DSCAM: variants seen among roughly 807,000 people sequenced by gnomAD.
DSCAM encodes the protein cell adhesion molecule DSCAM.
A neutral mutation model predicts 217.7 loss-of-function variants in DSCAM; 47 were observed. That is an observed-to-expected ratio of 0.22 (90% CI 0.17 to 0.28). The LOEUF (loss-of-function observed/expected upper bound fraction) is 0.28, where lower values mean the gene tolerates loss of function less well. DSCAM is among the 10% of genes least tolerant of loss of function. The pLI is 1.00. For missense variants in DSCAM, 2,080 were observed against 2,618.3 expected (o/e 0.79, Z 4.49); for synonymous variants, 1,056 against 1,015.3 (o/e 1.04, Z -0.76).
chr21:40,646,120 A>C (rs9984489), intron 3 of DSCAM, among the ~76,000 whole-genome samples: 66,794 of 152,038 alleles, frequency 0.44, 14,852 homozygotes, highest in East Asian at 0.61. Flanking sequence ...AGGCCTAGAA[A>C]TTAATCCTGA....
At chr21:40,207,273 T>C (rs1471241915) in intron 11 of DSCAM, among the ~76,000 whole-genome samples, 1 of 152,204 alleles carries the variant, frequency 6.6e-6, no homozygotes, top group Non-Finnish European at 1.5e-5. Context: ...TCAAATTCTT[T>C]CTATAATTTC....
chr21:40,771,020 G>A (rs374924190), intron 1 of DSCAM, among the ~76,000 whole-genome samples: 60 of 152,232 alleles, frequency 3.9e-4, no homozygotes, highest in East Asian at 1.9e-3. Flanking sequence ...TGGTAAACAC[G>A]AGGCAGCCTG....
chr21:40,527,841 T>C (rs1469139187), intron 3 of DSCAM, among the ~76,000 whole-genome samples: 3 of 152,078 alleles, frequency 2.0e-5, no homozygotes, highest in African/African-American at 7.2e-5. Flanking sequence ...GTGGGTGAAA[T>C]CCTGAGACAG....
chr21:40,788,633 A>G (rs554520716), intron 1 of DSCAM, among the ~76,000 whole-genome samples: 4 of 152,292 alleles, frequency 2.6e-5, no homozygotes, highest in Middle Eastern at 3.4e-3. Flanking sequence ...ACTTTTGACC[A>G]CTTTCTCCAA....
At chr21:40,270,269 A>T (rs1407960246) in intron 11 of DSCAM, among the ~76,000 whole-genome samples, 1 of 152,214 alleles carries the variant, frequency 6.6e-6, no homozygotes, top group Non-Finnish European at 1.5e-5. Flanking sequence ...TGGGGACCAG[A>T]AGTGCAAAAT....
intron 28 of DSCAM, among the ~76,000 whole-genome samples, chr21:40,058,322 T>C (rs2089061337): frequency 6.6e-6 from 1 of 152,188 alleles, no homozygotes; most frequent in Admixed American, 6.5e-5. Context: ...AGGCTGGCCC[T>C]GCGATGGGGA....
chr21:40,678,190 GATTATA>G (rs1354962566), intron 3 of DSCAM, among the ~76,000 whole-genome samples: 5 of 152,106 alleles, frequency 3.3e-5, no homozygotes, highest in Non-Finnish European at 5.9e-5. Flanking sequence ...TAAGCCTACT[GATTATA>G]ATTAGGTTAT....
intron 1 of DSCAM, among the ~76,000 whole-genome samples, chr21:40,726,460 C>T (rs1234531145): frequency 2.6e-5 from 4 of 151,776 alleles, no homozygotes; most frequent in African/African-American, 9.7e-5. Context: ...CAAGGTAAAT[C>T]CATATCTAAA....
At chr21:40,147,990 C>T (rs1443716309) in intron 16 of DSCAM, among the ~76,000 whole-genome samples, 1 of 152,022 alleles carries the variant, frequency 6.6e-6, no homozygotes, top group African/African-American at 2.4e-5. Flanking sequence ...TTTTTTAAGT[C>T]CATGTTTCAA....
At chr21:40,734,981 A>G (rs2091048983) in intron 1 of DSCAM, among the ~76,000 whole-genome samples, 1 of 152,266 alleles carries the variant, frequency 6.6e-6, no homozygotes, top group Non-Finnish European at 1.5e-5. Context: ...GTCACAAAAC[A>G]GAAATGCTGG....
intron 3 of DSCAM, among the ~76,000 whole-genome samples, chr21:40,466,445 C>T (rs2075846165): frequency 6.6e-6 from 1 of 152,182 alleles, no homozygotes; most frequent in Non-Finnish European, 1.5e-5. Context: ...CCTGAGTCCC[C>T]TCCATGGCAA....
intron 6 of DSCAM, 41 bp downstream of exon 6, chr21:40,347,629 G>T: frequency 6.2e-7 from 1 of 1,610,208 alleles, no homozygotes; most frequent in East Asian, 2.2e-5. Context: ...CTCTGGGTTT[G>T]GGTTCTTTTT....
At chr21:40,841,897 C>G (rs1181749279) in intron 1 of DSCAM, among the ~76,000 whole-genome samples, 1 of 152,242 alleles carries the variant, frequency 6.6e-6, no homozygotes, top group Admixed American at 6.5e-5. Flanking sequence ...CTCCGCTGTA[C>G]AGTTGAAAAC....
intron 1 of DSCAM, among the ~76,000 whole-genome samples, chr21:40,837,621 A>C (rs1846994677): frequency 6.6e-6 from 1 of 152,250 alleles, no homozygotes; most frequent in African/African-American, 2.4e-5. Context: ...TTGGGCTGCC[A>C]ACTTAAACAA....
chr21:40,426,049 C>T (rs1005663734), intron 3 of DSCAM, among the ~76,000 whole-genome samples: 36 of 152,176 alleles, frequency 2.4e-4, no homozygotes, highest in African/African-American at 8.4e-4. Context: ...GTTAAATTTG[C>T]ACCTGTGAAC....
intron 3 of DSCAM, among the ~76,000 whole-genome samples, chr21:40,430,577 G>A (rs892567229): frequency 7.9e-5 from 12 of 152,160 alleles, no homozygotes; most frequent in African/African-American, 2.9e-4. Flanking sequence ...AGCCTCTTGT[G>A]AGATCCTATG....
intron 1 of DSCAM, among the ~76,000 whole-genome samples, chr21:40,744,519 G>A (rs563554161): frequency 6.6e-6 from 1 of 152,064 alleles, no homozygotes; most frequent in Non-Finnish European, 1.5e-5. Flanking sequence ...TCCCAGACCA[G>A]GAAACAATAG....
At chr21:40,093,542 T>C (rs1223550897) in intron 21 of DSCAM, among the ~76,000 whole-genome samples, 179 bp downstream of exon 21, 2 of 152,216 alleles carry the variant, frequency 1.3e-5, no homozygotes, top group African/African-American at 2.4e-5. Flanking sequence ...TCCAGGGAAT[T>C]ACTTTTCCAT....
At chr21:40,833,654 A>C (rs751808337) in intron 1 of DSCAM, among the ~76,000 whole-genome samples, 4 of 152,252 alleles carry the variant, frequency 2.6e-5, no homozygotes, top group Non-Finnish European at 5.9e-5. Flanking sequence ...AGAAAATAGC[A>C]AATAAAGTTA....
Sources: allele counts gnomAD v4.1 joint callset (sites outside exome capture counted in the v4.1 genomes callset), GRCh38; gene constraint gnomAD v4.1.1; transcripts MANE v1.5; gene names NCBI Gene and HGNC (gene_info 2026-07-23, HGNC 2026-07-21).